The following ST13 variants were observed in gnomAD, a reference collection of about 807,000 sequenced individuals.
ST13 encodes hsc70-interacting protein.
In ST13, 23 loss-of-function variants were observed where a neutral mutation model predicts 56.7. That is an observed-to-expected ratio of 0.41 (90% CI 0.29 to 0.57). The LOEUF (loss-of-function observed/expected upper bound fraction) is 0.57. ST13 is among the 20% of genes least tolerant of loss of function. The pLI is 0.36. For synonymous variants in ST13, 132 were observed against 142.4 expected, an observed-to-expected ratio of 0.93 and a Z score of 0.52; for missense variants, 369 against 459.9, an observed-to-expected ratio of 0.80 and a Z score of 1.81.
intron 7 of ST13, among the ~76,000 whole-genome samples, chr22:40,834,659 C>A (rs956471020): frequency 1.3e-5 from 2 of 152,094 alleles, no homozygotes; most frequent in African/African-American, 4.8e-5. Context: ...TAATGAACCA[C>A]GATTTCCCAC....
intron 8 of ST13, chr22:40,831,968 T>A: frequency 3.9e-6 from 1 of 254,438 alleles, no homozygotes; most frequent in Non-Finnish European, 8.0e-6. Context: ...TTCTCCTGCC[T>A]CAGCCTCCCG....
chr22:40,834,720 C>T (rs967011549), intron 7 of ST13, among the ~76,000 whole-genome samples: 8 of 152,266 alleles, frequency 5.3e-5, no homozygotes, highest in East Asian at 1.9e-4. Context: ...GATGAGCCAA[C>T]GCTGTCTTGT....
chr22:40,837,931 G>A (rs1251594499), intron 5 of ST13, among the ~76,000 whole-genome samples: 1 of 152,136 alleles, frequency 6.6e-6, no homozygotes, highest in Non-Finnish European at 1.5e-5. Context: ...TGTTAAGTGT[G>A]AACCACCACG....
intron 4 of ST13, among the ~76,000 whole-genome samples, 178 bp from the exon 5 acceptor site, chr22:40,840,870 T>C (rs568573888): frequency 2.0e-5 from 3 of 152,286 alleles, no homozygotes; most frequent in East Asian, 1.9e-4. Context: ...ATACGAGTTT[T>C]AACCTTTTAT....
intron 2 of ST13, among the ~76,000 whole-genome samples, chr22:40,850,364 G>A (rs149137583): frequency 4.7e-4 from 72 of 152,124 alleles, no homozygotes; most frequent in African/African-American, 1.7e-3. Context: ...AATCTTACAC[G>A]TCCTTTAAGC....
Position 40,827,128 on chromosome 22 carries a change from G to C in ST13, c.949C>G (p.Leu317Val). 2 of 1,612,100 alleles carry C rather than the reference G, an allele frequency of 1.2e-6. No individual in the cohort carries two copies. The highest frequency in any genetic ancestry group is 1.7e-6 in the Non-Finnish European group (2 of 1,179,946). Residue 317 changes from leucine (L) to valine (V), a missense_variant, in exon 11 of 12, where the codon CTT becomes GTT. Physicochemically the swap from Leu to Val is conservative, Grantham distance 32. Transcript: ENST00000216218. ...MAGMPGLNEI[L>V]SDPEVLAAMQ... ...GCTGCAAGAACCTCTGGATCACTAA[G>C]AATTTCATTGAGTCCAGGCATTCCA...
At chr22:40,849,570 G>A (rs1308988592) in intron 2 of ST13, among the ~76,000 whole-genome samples, 4 of 151,002 alleles carry the variant, frequency 2.6e-5, no homozygotes, top group Non-Finnish European at 5.9e-5. Flanking sequence ...GCAAAGTCTA[G>A]GTATTCTAGA....
intron 7 of ST13, among the ~76,000 whole-genome samples, chr22:40,833,386 G>A (rs1038451750): frequency 6.6e-6 from 1 of 151,766 alleles, no homozygotes; most frequent in Admixed American, 6.6e-5. Context: ...TGGCTAACCC[G>A]GTGAAACCCC....
chr22:40,855,431 AC>A (rs1455647000), intron 1 of ST13, among the ~76,000 whole-genome samples: 3 of 152,282 alleles, frequency 2.0e-5, no homozygotes, highest in East Asian at 3.9e-4. Flanking sequence ...ATACAGCCAA[AC>A]CCTGTCTCTA....
In ST13 at chr22:40,826,542, G is replaced by T. The variant is rs749274921; in HGVS notation, c.1106C>A (p.Ala369Glu). Residue 369 changes from alanine to glutamate, a missense_variant, in exon 12 of 12, where the codon GCG (alanine) becomes GAG (glutamate). Ala to Glu is a moderately radical substitution (Grantham distance 107). This residue lies in a region of ST13 where 136 missense variants were observed against 159.2 expected (regional missense o/e 0.85). Coordinates refer to ENST00000216218, the MANE Select transcript of ST13 (RefSeq NM_003932.5). Reference protein sequence around the residue: ...SKLSAKFGGQA With the variant: ...SKLSAKFGGQE The stretch of plus-strand genomic sequence containing the variant: ...GCTTTATTTATCAGAAGGACATTAC[G>T]CTTGACCTCCAAATTTGGCTGACAA... The T allele has an allele frequency of 5.6e-6, 9 of 1,597,880 alleles. No individual in the cohort carries two copies. Among genetic ancestry groups the T allele is most frequent in the Non-Finnish European group, 1.7e-6 (2 of 1,179,680 alleles).
At chr22:40,850,190 T>A in intron 2 of ST13, among the ~76,000 whole-genome samples, 1 of 152,196 alleles carries the variant, frequency 6.6e-6, no homozygotes, top group Non-Finnish European at 1.5e-5. Flanking sequence ...GCCAGTAGGC[T>A]GAGGTTGCAG....
At chr22:40,835,746 T>C (rs2057774112) in intron 6 of ST13, 57 bp downstream of exon 6, 1 of 1,597,986 alleles carries the variant, frequency 6.3e-7, no homozygotes, top group South Asian at 1.1e-5. Flanking sequence ...CAACTCTATT[T>C]AAACAAATGT....
chr22:40,850,507 G>A (rs1422936504), intron 2 of ST13, among the ~76,000 whole-genome samples: 1 of 152,150 alleles, frequency 6.6e-6, no homozygotes, highest in Non-Finnish European at 1.5e-5. Context: ...CAATGCATAT[G>A]ACACACTGTA....
At chr22:40,847,891 A>G (rs1179001358) in intron 3 of ST13, among the ~76,000 whole-genome samples, 1 of 152,000 alleles carries the variant, frequency 6.6e-6, no homozygotes, top group Non-Finnish European at 1.5e-5. Flanking sequence ...TACTAAAATT[A>G]TAAAAATTAG....
At chr22:40,842,397 T>G (rs1182369750) in intron 4 of ST13, among the ~76,000 whole-genome samples, 1 of 152,194 alleles carries the variant, frequency 6.6e-6, no homozygotes, top group Non-Finnish European at 1.5e-5. Flanking sequence ...ACAAGGAATT[T>G]AATGTGTTTA....
Position 40,825,539 on chromosome 22 carries a change from TGTGG to T in ST13, c.*995_*998del, listed in dbSNP as rs994547311. ...TGGCCAAGTAAGAAACTACAGTTGT[TGTGG>T]GTATTACCCTACAATTACCATATGT... On this transcript the variant is annotated 3_prime_UTR_variant, in exon 12 of 12. Transcript: ENST00000216218. 4 of 152,206 alleles carry T rather than the reference TGTGG, an allele frequency of 2.6e-5. No individual in the cohort carries two copies. Among genetic ancestry groups the T allele is most frequent in the Admixed American group, 1.3e-4 (2 of 15,270 alleles). The allele number at this position is 152,206 out of a possible 1,614,324, so 9.4% of individuals were successfully genotyped here.
intron 1 of ST13, among the ~76,000 whole-genome samples, chr22:40,856,203 C>A (rs1383691009): frequency 6.6e-6 from 1 of 152,218 alleles, no homozygotes; most frequent in Non-Finnish European, 1.5e-5. Flanking sequence ...AGATACACCC[C>A]TGGGCAACCT....
intron 8 of ST13, among the ~76,000 whole-genome samples, chr22:40,831,790 A>T (rs148983077): frequency 7.9e-5 from 12 of 152,208 alleles, no homozygotes; most frequent in African/African-American, 2.9e-4. Flanking sequence ...TTTAGATAAA[A>T]ATCATCCTTA....
chr22:40,840,730 G>GA, intron 4 of ST13, 38 bp from the exon 5 acceptor site: 3 of 1,556,536 alleles, frequency 1.9e-6, no homozygotes, highest in Non-Finnish European at 2.6e-6. Context: ...AATTAGTAGA[G>GA]AGAGAGAGAA....
Sources: allele counts gnomAD v4.1 joint callset (sites outside exome capture counted in the v4.1 genomes callset), GRCh38; gene constraint gnomAD v4.1.1; regional missense constraint gnomAD v4.1.1; transcripts MANE v1.5; gene names NCBI Gene and HGNC (gene_info 2026-07-23, HGNC 2026-07-21).